RAB9B: variants seen among roughly 807,000 people sequenced by gnomAD.
RAB9B encodes ras-related protein Rab-9B.
RAB9B carries 1 observed loss-of-function variant against 8.9 expected under a neutral mutation model. The ratio of observed to expected loss-of-function variants is 0.11; its 90% CI spans 0.04 to 0.53. RAB9B has a LOEUF of 0.53. Among genes scored for constraint, RAB9B ranks in the 20% least tolerant of loss-of-function variants. The probability of loss-of-function intolerance (pLI) is 0.93; values close to 1 mark genes in which losing one functional copy is unlikely to be tolerated. For missense variants in RAB9B, 82 were observed against 152.9 expected (o/e 0.54, Z 2.45); for synonymous variants, 63 against 57.0 (o/e 1.10, Z -0.47).
the RAB9B span, chrX:103,777,073 G>A: frequency 2.3e-6 from 2 of 881,358 alleles, no homozygotes; most frequent in Non-Finnish European, 3.3e-6. Context: ...CAACTTTGGG[G>A]TTCGGGGGTT....
At chrX:103,785,948 A>G in the RAB9B span, 7 of 703,753 alleles carry the variant, frequency 9.9e-6, no homozygotes, top group South Asian at 1.9e-4. Context: ...TTCAGAAAGG[A>G]GGGGTCTGCC....
At chrX:103,801,854 A>G in the RAB9B span, among the ~76,000 whole-genome samples, 1 of 111,473 alleles carries the variant, frequency 9.0e-6, no homozygotes, top group East Asian at 2.8e-4. Flanking sequence ...AACATTTTAT[A>G]TAACAAACTT....
chrX:103,805,724 T>C, the RAB9B span, among the ~76,000 whole-genome samples: 1 of 109,773 alleles, frequency 9.1e-6, no homozygotes, highest in Non-Finnish European at 1.9e-5. Flanking sequence ...AATTATTTAA[T>C]TTGTTTACTA....
chrX:103,824,473 T>A lies in RAB9B; in HGVS notation c.*706A>T, dbSNP rs2074675439. 1 of 112,384 alleles carries A rather than the reference T, an allele frequency of 8.9e-6. No homozygotes were observed. 9.3% of individuals were successfully genotyped at this position (112,384 alleles called of 1,213,427 possible). On this transcript the variant is annotated 3_prime_UTR_variant, in exon 3 of 3. Transcript: ENST00000243298. ...CCAACCATTTATTTGCAAAGGTGGT[T>A]GGCATATTTAAGCATAATCCATTCA...
chrX:103,786,824 G>C, the RAB9B span: 1 of 913,648 alleles, frequency 1.1e-6, no homozygotes, highest in Non-Finnish European at 1.6e-6. Context: ...GTCCTCTCTA[G>C]GGGCCTGGCA....
chrX:103,792,111 C>T, the RAB9B span: 1 of 107,374 alleles, frequency 9.3e-6, no homozygotes, highest in African/African-American at 3.4e-5. Flanking sequence ...TTTTTGTTAA[C>T]TTTGGGTTAA....
the RAB9B span, chrX:103,785,882 C>T: frequency 5.5e-5 from 43 of 774,926 alleles, no homozygotes; most frequent in South Asian, 5.0e-4. Context: ...GGAGCCAGAC[C>T]GGATTCCCGA....
At chrX:103,780,094 T>C in the RAB9B span, 1 of 113,026 alleles carries the variant, frequency 8.8e-6, no homozygotes, top group Non-Finnish European at 1.9e-5. Flanking sequence ...TAATCCCTCT[T>C]GCCTACGGCA....
At position 103,822,756 on chromosome X, in the gene RAB9B, T is replaced by C. The variant is rs1217894029; in HGVS notation, c.*2423A>G. The C allele has an allele frequency of 8.9e-6, 1 of 111,834 alleles. No homozygotes were observed. The highest frequency in any genetic ancestry group is 1.9e-5 in the Non-Finnish European group (1 of 53,191). The allele number at this position is 111,834 out of a possible 1,213,427, so 9.2% of individuals were successfully genotyped here. On this transcript the variant is annotated 3_prime_UTR_variant, in exon 3 of 3. Transcript: ENST00000243298. ...ATGCACAGTTCTTGGTACTCACAGA[T>C]TTCAGCCTTTGGTGTTTTTTAATCT...
At chrX:103,776,916 C>T in the RAB9B span, 2 of 962,588 alleles carry the variant, frequency 2.1e-6, no homozygotes, top group Non-Finnish European at 1.5e-6. Context: ...CTGGAGAGAC[C>T]AGGATCCTTC....
the RAB9B span, among the ~76,000 whole-genome samples, chrX:103,784,671 G>T: frequency 8.9e-6 from 1 of 112,074 alleles, no homozygotes; most frequent in African/African-American, 3.2e-5. Flanking sequence ...AATCCTGTCT[G>T]ACAATACCAG....
chrX:103,799,873 G>C, the RAB9B span, among the ~76,000 whole-genome samples: 1 of 111,472 alleles, frequency 9.0e-6, no homozygotes, highest in Non-Finnish European at 1.9e-5. Context: ...AATCCTTGGT[G>C]TTCAGATGGA....
the RAB9B span, among the ~76,000 whole-genome samples, chrX:103,785,406 T>G: frequency 8.9e-6 from 1 of 112,311 alleles, no homozygotes; most frequent in Non-Finnish European, 1.9e-5. Flanking sequence ...TGAAACAAAG[T>G]AAGGATTCTG....
At position 103,824,216 on chromosome X, in the gene RAB9B, C is replaced by T. The variant is rs768098729; in HGVS notation, c.*963G>A. 8.9e-6 allele frequency: 1 copy of T among 112,247 alleles called. No individual in the cohort carries two copies. Among genetic ancestry groups the T allele is most frequent in the African/African-American group, 3.2e-5 (1 of 30,948 alleles). 9.3% of individuals were successfully genotyped at this position (112,247 alleles called of 1,213,427 possible). A position where few individuals can be genotyped will look rare whatever the true frequency, so the allele number is the denominator to read the frequency against. Reference sequence around the variant, plus strand: ...ACATATAAGAAACCAGTTCCTTCTTCTGCAATAAATATTTGAGTTAAGGAG... The same window carrying T: ...ACATATAAGAAACCAGTTCCTTCTTTTGCAATAAATATTTGAGTTAAGGAG... On this transcript the variant is annotated 3_prime_UTR_variant, in exon 3 of 3. Transcript: ENST00000243298.
At chrX:103,828,499 C>A (rs1286509411) in intron 1 of RAB9B, among the ~76,000 whole-genome samples, 1 of 111,845 alleles carries the variant, frequency 8.9e-6, no homozygotes, top group African/African-American at 3.3e-5. Flanking sequence ...AACTCTTGAA[C>A]TCTCATTTTG....
the RAB9B span, among the ~76,000 whole-genome samples, chrX:103,793,760 G>C: frequency 9.0e-6 from 1 of 111,466 alleles, no homozygotes; most frequent in Admixed American, 9.5e-5. Flanking sequence ...TCTATCAATT[G>C]AACCCATTGT....
intron 1 of RAB9B, among the ~76,000 whole-genome samples, chrX:103,829,313 C>T (rs756451457): frequency 8.9e-6 from 1 of 112,174 alleles, no homozygotes; most frequent in Non-Finnish European, 1.9e-5. Flanking sequence ...TCCAATCTTG[C>T]TACTGATATT....
the RAB9B span, among the ~76,000 whole-genome samples, chrX:103,809,320 T>A: frequency 8.9e-6 from 1 of 112,008 alleles, no homozygotes; most frequent in Non-Finnish European, 1.9e-5. Context: ...TTTCTTTTTT[T>A]ATGGAGTTTT....
chrX:103,799,697 A>T, the RAB9B span, among the ~76,000 whole-genome samples: 2 of 112,440 alleles, frequency 1.8e-5, no homozygotes, highest in African/African-American at 6.5e-5. Flanking sequence ...TCTTACAGAA[A>T]ATTTCAAACA....
Sources: allele counts gnomAD v4.1 joint callset (sites outside exome capture counted in the v4.1 genomes callset), GRCh38; gene constraint gnomAD v4.1.1; transcripts MANE v1.5; gene names NCBI Gene and HGNC (gene_info 2026-07-23, HGNC 2026-07-21).